The following PCDH15 variants were observed in gnomAD, a reference collection of about 807,000 sequenced individuals.
PCDH15 encodes the protein protocadherin related 15.
PCDH15 carries 129 observed loss-of-function variants against 178.5 expected under a neutral mutation model. The observed-to-expected ratio is 0.72, with a 90% CI of 0.63 to 0.84. PCDH15 has a LOEUF of 0.84. PCDH15 is among the 40% of genes least tolerant of loss of function. The pLI, the probability that PCDH15 is intolerant of heterozygous loss-of-function variation, is 0.00. For missense variants in PCDH15, 2,230 were observed against 2,099.9 expected (o/e 1.06, Z -1.21); for synonymous variants, 800 against 732.0 (o/e 1.09, Z -1.50).
intron 2 of PCDH15, among the ~76,000 whole-genome samples, chr10:54,933,931 T>C (rs2131855841): frequency 6.6e-6 from 1 of 152,278 alleles, no homozygotes; most frequent in South Asian, 2.1e-4. Flanking sequence ...TATTACTTAC[T>C]GTGAATATAA....
intron 26 of PCDH15, among the ~76,000 whole-genome samples, chr10:53,883,514 G>T (rs1005348768): frequency 6.6e-6 from 1 of 152,068 alleles, no homozygotes. Flanking sequence ...GGAGGAAACT[G>T]CTCTGCCACT....
At chr10:54,625,817 T>C (rs1276304984) in intron 2 of PCDH15, among the ~76,000 whole-genome samples, 4 of 152,172 alleles carry the variant, frequency 2.6e-5, no homozygotes. Context: ...TGGAACTGGC[T>C]AACAGGCAGA....
chr10:54,816,779 AT>A (rs1470860307), intron 3 of PCDH15, among the ~76,000 whole-genome samples: 6 of 152,040 alleles, frequency 3.9e-5, no homozygotes, highest in African/African-American at 1.4e-4. Flanking sequence ...GTCCACAAAT[AT>A]TTTTTATATA....
At chr10:54,065,764 A>G (rs1161115838) in intron 18 of PCDH15, among the ~76,000 whole-genome samples, 3 of 152,218 alleles carry the variant, frequency 2.0e-5, no homozygotes, top group Non-Finnish European at 4.4e-5. Context: ...ATGACTTTTA[A>G]AAAAGCTTCA....
At chr10:54,007,832 G>T (rs929702994) in intron 20 of PCDH15, among the ~76,000 whole-genome samples, 2 of 152,020 alleles carry the variant, frequency 1.3e-5, no homozygotes, top group African/African-American at 4.8e-5. Context: ...GTTTTCCTGT[G>T]GTGACTTTTT....
At chr10:54,333,908 T>C (rs150241271) in intron 6 of PCDH15, among the ~76,000 whole-genome samples, 190 of 152,348 alleles carry the variant, frequency 1.2e-3, no homozygotes, top group African/African-American at 4.2e-3. Flanking sequence ...CTTAGAGATT[T>C]GTTCCACCAA....
intron 3 of PCDH15, among the ~76,000 whole-genome samples, chr10:54,511,949 C>T (rs549415060): frequency 2.0e-5 from 3 of 151,792 alleles, no homozygotes; most frequent in South Asian, 2.1e-4. Context: ...TTTAAGAAAA[C>T]ATACCATAAC....
intron 2 of PCDH15, among the ~76,000 whole-genome samples, chr10:55,560,617 G>A (rs897016132): frequency 4.0e-5 from 6 of 151,826 alleles, no homozygotes; most frequent in African/African-American, 1.4e-4. Context: ...TCAAAACACA[G>A]TGAATTGTCA....
chr10:55,364,788 A>G (rs1307842587), intron 2 of PCDH15, among the ~76,000 whole-genome samples: 1 of 152,108 alleles, frequency 6.6e-6, no homozygotes, highest in Non-Finnish European at 1.5e-5. Context: ...AGTCCTATAG[A>G]TTAAAAGATT....
intron 1 of PCDH15, among the ~76,000 whole-genome samples, chr10:55,222,033 A>AT (rs59795608): frequency 0.012 from 1,597 of 138,848 alleles, 15 homozygotes; most frequent in African/African-American, 0.02. Flanking sequence ...CACCCGGCTA[A>AT]TTTTTTTTTT....
chr10:54,965,634 T>C (rs1838766737), intron 2 of PCDH15, among the ~76,000 whole-genome samples: 1 of 139,132 alleles, frequency 7.2e-6, no homozygotes, highest in African/African-American at 2.6e-5. Context: ...TATATATATA[T>C]ATATGTTGGG....
chr10:54,370,842 A>G lies in PCDH15; in HGVS notation c.319-1567T>C, dbSNP rs1262833210. Among the ~76,000 whole-genome samples the G allele has an allele frequency of 3.3e-5, 5 of 151,906 alleles. No individual in the cohort carries two copies. The East Asian group carries it at 9.6e-4, about 29-fold the overall frequency. On this transcript the variant is annotated intron_variant, in intron 4 of 37. Transcript: ENST00000644397. ...AACTATATCTAAGCTGAAGGAAATC[A>G]TTATTTAGTTTCAAGATATTTTTAT...
At chr10:55,072,503 A>G (rs1841775482) in intron 2 of PCDH15, among the ~76,000 whole-genome samples, 1 of 152,194 alleles carries the variant, frequency 6.6e-6, no homozygotes, top group Non-Finnish European at 1.5e-5. Context: ...TCTAGAAGAA[A>G]TGGATAAATT....
chr10:55,171,476 T>C (rs571627953), intron 1 of PCDH15, among the ~76,000 whole-genome samples: 29 of 152,186 alleles, frequency 1.9e-4, no homozygotes, highest in South Asian at 1.9e-3. Context: ...TTCATTCAGC[T>C]TAATGAAATC....
intron 2 of PCDH15, among the ~76,000 whole-genome samples, chr10:54,662,389 A>G (rs575243125): frequency 6.6e-6 from 1 of 151,946 alleles, no homozygotes; most frequent in Admixed American, 6.6e-5. Context: ...TTTTATTATC[A>G]TATATATCCT....
chr10:55,149,904 A>G (rs1313277365), intron 2 of PCDH15, among the ~76,000 whole-genome samples: 1 of 152,052 alleles, frequency 6.6e-6, no homozygotes, highest in African/African-American at 2.4e-5. Context: ...TTGGATTACA[A>G]TTATTAAACA....
intron 13 of PCDH15, among the ~76,000 whole-genome samples, chr10:54,159,310 A>T (rs113354842): frequency 3.3e-5 from 5 of 152,158 alleles, no homozygotes; most frequent in African/African-American, 9.6e-5. Context: ...ACTGTAAAAG[A>T]GTGTTTTTTT....
intron 2 of PCDH15, among the ~76,000 whole-genome samples, chr10:54,956,839 G>T (rs1175587537): frequency 6.6e-6 from 1 of 151,584 alleles, no homozygotes; most frequent in Non-Finnish European, 1.5e-5. Context: ...TAAAACTTTT[G>T]TTAGAAAATA....
intron 18 of PCDH15, among the ~76,000 whole-genome samples, chr10:54,024,402 A>C (rs2093019921): frequency 6.6e-6 from 1 of 152,174 alleles, no homozygotes; most frequent in South Asian, 2.1e-4. Flanking sequence ...AGGTCCATAA[A>C]GCGTGGAATG....
Sources: allele counts gnomAD v4.1 joint callset (sites outside exome capture counted in the v4.1 genomes callset), GRCh38; gene constraint gnomAD v4.1.1; transcripts MANE v1.5; gene names NCBI Gene and HGNC (gene_info 2026-07-23, HGNC 2026-07-21).